Variants in SLC24A2 observed in about 807,000 individuals in gnomAD.
SLC24A2 encodes the protein solute carrier family 24 member 2, also known as sodium/potassium/calcium exchanger 2.
Under a neutral mutation model 62.0 loss-of-function variants are expected in SLC24A2, and 36 were observed. The observed-to-expected ratio is 0.58, with a 90% CI of 0.44 to 0.77. SLC24A2 has a LOEUF of 0.77. Ranked by LOEUF, SLC24A2 falls within the 30% of genes least tolerant of loss-of-function variation. The probability of loss-of-function intolerance (pLI) is 0.00; values close to 1 mark genes in which losing one functional copy is unlikely to be tolerated. For missense variants in SLC24A2, 846 were observed against 817.9 expected, an observed-to-expected ratio of 1.03 and a Z score of -0.42; for synonymous variants, 358 against 294.0, an observed-to-expected ratio of 1.22 and a Z score of -2.23.
chr9:20,201,509 A>G, the SLC24A2 span, among the ~76,000 whole-genome samples: 1 of 152,218 alleles, frequency 6.6e-6, no homozygotes, highest in African/African-American at 2.4e-5. Context: ...AGAAGGGAAA[A>G]GAAAGAAAGT....
At chr9:19,703,915 A>T (rs999916150) in intron 2 of SLC24A2, among the ~76,000 whole-genome samples, 7 of 152,224 alleles carry the variant, frequency 4.6e-5, no homozygotes, top group Non-Finnish European at 1.0e-4. Flanking sequence ...AACTATCTAC[A>T]GGACTTTTTC....
chr9:20,102,559 G>C, the SLC24A2 span, among the ~76,000 whole-genome samples: 1 of 151,732 alleles, frequency 6.6e-6, no homozygotes, highest in Non-Finnish European at 1.5e-5. Context: ...GGGTTGATGG[G>C]TGCAGCAAAC....
In SLC24A2 at chr9:19,706,673, C is replaced by T. The variant is rs144884520; in HGVS notation, c.930+79264G>A. Among the ~76,000 whole-genome samples, 367 of 152,132 alleles carry T rather than the reference C, an allele frequency of 2.4e-3. 1 individual carries two copies. The highest frequency in any genetic ancestry group is 6.0e-3 in the African/African-American group (248 of 41,506). On this transcript the variant is annotated intron_variant, in intron 2 of 10. Transcript: ENST00000341998. Reference sequence around the variant, plus strand: ...GATTACAGGCGTGAGCCACCGCGCCCGGCCGGGTCTTGATTCTTTATCCAA... The same window carrying T: ...GATTACAGGCGTGAGCCACCGCGCCTGGCCGGGTCTTGATTCTTTATCCAA...
At chr9:20,237,393 G>A in the SLC24A2 span, among the ~76,000 whole-genome samples, 1 of 152,194 alleles carries the variant, frequency 6.6e-6, no homozygotes, top group Admixed American at 6.5e-5. Context: ...TACTTAGCCA[G>A]AAGATGGCAG....
chr9:19,818,090 T>C, the SLC24A2 span, among the ~76,000 whole-genome samples: 1 of 152,162 alleles, frequency 6.6e-6, no homozygotes, highest in Non-Finnish European at 1.5e-5. Flanking sequence ...GGAGTTAATC[T>C]GATAAGATTA....
At chr9:19,910,213 C>G in the SLC24A2 span, among the ~76,000 whole-genome samples, 1 of 152,090 alleles carries the variant, frequency 6.6e-6, no homozygotes, top group East Asian at 1.9e-4. Flanking sequence ...TAGTGCCATC[C>G]TATCATCGAA....
intron 2 of SLC24A2, among the ~76,000 whole-genome samples, chr9:19,670,184 AC>A (rs1260945975): frequency 6.6e-6 from 1 of 152,050 alleles, no homozygotes; most frequent in Non-Finnish European, 1.5e-5. Flanking sequence ...CAGTCTTGAG[AC>A]CCCTTTTCAA....
At chr9:20,206,620 G>C in the SLC24A2 span, among the ~76,000 whole-genome samples, 1 of 152,006 alleles carries the variant, frequency 6.6e-6, no homozygotes, top group South Asian at 2.1e-4. Flanking sequence ...CTCCTGAGTA[G>C]CTGGGATTAC....
chr9:20,196,997 T>C, the SLC24A2 span, among the ~76,000 whole-genome samples: 1 of 152,232 alleles, frequency 6.6e-6, no homozygotes, highest in African/African-American at 2.4e-5. Context: ...CTACATAACA[T>C]TCCATTATAT....
chr9:19,906,156 A>C, the SLC24A2 span, among the ~76,000 whole-genome samples: 1 of 152,220 alleles, frequency 6.6e-6, no homozygotes, highest in Non-Finnish European at 1.5e-5. Context: ...TCAAACTAGA[A>C]CTCAGGATTA....
chr9:19,563,830 C>T (rs10124661), intron 7 of SLC24A2, among the ~76,000 whole-genome samples: 4 of 68,774 alleles, frequency 5.8e-5, no homozygotes, highest in Admixed American at 1.4e-4. Flanking sequence ...TCCTTCCTCC[C>T]TCCCTCCCTC....
chr9:19,812,211 T>A, the SLC24A2 span, among the ~76,000 whole-genome samples: 1 of 152,168 alleles, frequency 6.6e-6, no homozygotes, highest in Non-Finnish European at 1.5e-5. Context: ...ATGATTTCTA[T>A]TTTTTCAAAT....
the SLC24A2 span, among the ~76,000 whole-genome samples, chr9:20,060,227 T>G: frequency 6.6e-6 from 1 of 151,974 alleles, no homozygotes; most frequent in Non-Finnish European, 1.5e-5. Flanking sequence ...TACCAAACAT[T>G]TAAAGAAGAA....
chr9:19,848,734 A>C, the SLC24A2 span, among the ~76,000 whole-genome samples: 1 of 152,150 alleles, frequency 6.6e-6, no homozygotes, highest in African/African-American at 2.4e-5. Context: ...AAATGTAAAA[A>C]CCTTCTAACC....
chr9:19,685,085 T>C (rs188323078), intron 2 of SLC24A2, among the ~76,000 whole-genome samples: 4 of 152,068 alleles, frequency 2.6e-5, no homozygotes, highest in African/African-American at 9.6e-5. Context: ...TGGAGCATGC[T>C]AAAAATCACC....
At chr9:20,305,110 C>CTT in the SLC24A2 span, among the ~76,000 whole-genome samples, 76 of 135,292 alleles carry the variant, frequency 5.6e-4, no homozygotes, top group South Asian at 0.012. Context: ...AGGATAATAC[C>CTT]TTTTTTTTTT....
the SLC24A2 span, among the ~76,000 whole-genome samples, chr9:20,196,148 G>A: frequency 6.6e-6 from 1 of 152,146 alleles, no homozygotes; most frequent in African/African-American, 2.4e-5. Flanking sequence ...TGGAAGTAAT[G>A]CATTTGAACT....
chr9:20,050,125 G>C, the SLC24A2 span, among the ~76,000 whole-genome samples: 3 of 149,924 alleles, frequency 2.0e-5, no homozygotes, highest in African/African-American at 7.4e-5. Context: ...TACACACACA[G>C]AGATAACTTG....
the SLC24A2 span, among the ~76,000 whole-genome samples, chr9:19,820,222 G>A: frequency 6.7e-6 from 1 of 150,206 alleles, no homozygotes; most frequent in African/African-American, 2.4e-5. Flanking sequence ...CTGATATGTG[G>A]AAAGCTAAGC....
Sources: allele counts gnomAD v4.1 joint callset (sites outside exome capture counted in the v4.1 genomes callset), GRCh38; gene constraint gnomAD v4.1.1; transcripts MANE v1.5; gene names NCBI Gene and HGNC (gene_info 2026-07-23, HGNC 2026-07-21).